The following CHRM2 variants were observed in gnomAD, a reference collection of about 807,000 sequenced individuals.
The protein encoded by CHRM2 is muscarinic acetylcholine receptor M2.
CHRM2 carries 8 observed loss-of-function variants against 25.0 expected under a neutral mutation model. That is an observed-to-expected ratio of 0.32 (90% CI 0.19 to 0.58). CHRM2 has a LOEUF of 0.58. Ranked by LOEUF, CHRM2 falls within the 20% of genes least tolerant of loss-of-function variation. CHRM2 has a pLI of 0.88. For missense variants in CHRM2, 440 were observed against 567.1 expected, an observed-to-expected ratio of 0.78 and a Z score of 2.28; for synonymous variants, 202 against 205.7, an observed-to-expected ratio of 0.98 and a Z score of 0.15.
intron 2 of CHRM2, among the ~76,000 whole-genome samples, chr7:136,872,284 G>C (rs1795871510): frequency 6.6e-6 from 1 of 152,272 alleles, no homozygotes; most frequent in Non-Finnish European, 1.5e-5. Context: ...TCCAGTAAAA[G>C]GGAACCCAAA....
At chr7:136,970,821 C>G (rs1801716415) in intron 2 of CHRM2, among the ~76,000 whole-genome samples, 1 of 152,202 alleles carries the variant, frequency 6.6e-6, no homozygotes, top group African/African-American at 2.4e-5. Flanking sequence ...CTCTGTCTCA[C>G]TCACCTGGCT....
At chr7:136,888,629 A>G (rs1796566064) in intron 2 of CHRM2, among the ~76,000 whole-genome samples, 1 of 152,202 alleles carries the variant, frequency 6.6e-6, no homozygotes, top group African/African-American at 2.4e-5. Context: ...CCTGTGCCTC[A>G]TGATTCCCCT....
At chr7:137,008,641 G>C (rs536311425) in intron 3 of CHRM2, among the ~76,000 whole-genome samples, 1 of 151,812 alleles carries the variant, frequency 6.6e-6, no homozygotes, top group African/African-American at 2.4e-5. Flanking sequence ...TCAAATAGCA[G>C]CAGAATTAAA....
intron 2 of CHRM2, among the ~76,000 whole-genome samples, chr7:136,950,248 A>G (rs965497425): frequency 3.3e-5 from 5 of 152,178 alleles, no homozygotes; most frequent in Non-Finnish European, 5.9e-5. Context: ...GTTTGCATCA[A>G]GAAGACGAAG....
intron 2 of CHRM2, among the ~76,000 whole-genome samples, chr7:136,923,700 A>C (rs1485331399): frequency 6.6e-6 from 1 of 152,064 alleles, no homozygotes; most frequent in Non-Finnish European, 1.5e-5. Flanking sequence ...TTATGTTTTT[A>C]TTTTAAAAAG....
intron 2 of CHRM2, among the ~76,000 whole-genome samples, chr7:136,895,001 T>C (rs776024668): frequency 2.6e-5 from 4 of 152,176 alleles, no homozygotes; most frequent in Non-Finnish European, 4.4e-5. Context: ...TCTACAACTC[T>C]ACAGTATTTT....
At chr7:136,890,019 T>G (rs1796630727) in intron 2 of CHRM2, among the ~76,000 whole-genome samples, 1 of 152,208 alleles carries the variant, frequency 6.6e-6, no homozygotes, top group Non-Finnish European at 1.5e-5. Flanking sequence ...GTTATTATTT[T>G]CTATCCATCT....
At chr7:136,941,657 A>C (rs1196304240) in intron 2 of CHRM2, among the ~76,000 whole-genome samples, 1 of 152,188 alleles carries the variant, frequency 6.6e-6, no homozygotes, top group African/African-American at 2.4e-5. Flanking sequence ...TCTGAAACAC[A>C]TATATGTAAC....
intron 2 of CHRM2, among the ~76,000 whole-genome samples, chr7:136,935,326 A>T (rs1008824522): frequency 6.6e-6 from 1 of 152,196 alleles, no homozygotes; most frequent in African/African-American, 2.4e-5. Flanking sequence ...TTATGAAAGA[A>T]GTCAGGTAAG....
intron 3 of CHRM2, among the ~76,000 whole-genome samples, chr7:137,003,672 A>C (rs1427587487): frequency 1.3e-5 from 2 of 152,120 alleles, no homozygotes; most frequent in African/African-American, 4.8e-5. Context: ...CCAGGTGTGT[A>C]TACTCCTAAC....
intron 2 of CHRM2, among the ~76,000 whole-genome samples, chr7:136,956,968 G>C (rs533047789): frequency 6.6e-6 from 1 of 152,224 alleles, no homozygotes; most frequent in Admixed American, 6.5e-5. Flanking sequence ...GGTTAGCCCT[G>C]GGACTCACTG....
intron 2 of CHRM2, among the ~76,000 whole-genome samples, chr7:136,898,603 C>A (rs1479066844): frequency 6.6e-6 from 1 of 151,764 alleles, no homozygotes; most frequent in Non-Finnish European, 1.5e-5. Context: ...ACTAATAGTT[C>A]TAGTGATGAA....
intron 2 of CHRM2, among the ~76,000 whole-genome samples, chr7:136,949,524 A>T (rs1171374320): frequency 6.7e-6 from 1 of 149,338 alleles, no homozygotes; most frequent in Non-Finnish European, 1.5e-5. Flanking sequence ...GCTACTTTGG[A>T]GGCTGAGGTG....
At chr7:137,006,705 C>T (rs993143159) in intron 3 of CHRM2, among the ~76,000 whole-genome samples, 1 of 151,888 alleles carries the variant, frequency 6.6e-6, no homozygotes, top group Admixed American at 6.6e-5. Flanking sequence ...TGCACACAAA[C>T]CTTAAGGGTA....
chr7:136,982,040 G>T (rs556117931), intron 2 of CHRM2, among the ~76,000 whole-genome samples: 16 of 152,210 alleles, frequency 1.1e-4, no homozygotes, highest in African/African-American at 3.9e-4. Context: ...TATTGACAGT[G>T]GGGTGTTAAA....
chr7:136,959,525 T>A (rs1426836594), intron 2 of CHRM2, among the ~76,000 whole-genome samples: 1 of 152,188 alleles, frequency 6.6e-6, no homozygotes, highest in African/African-American at 2.4e-5. Context: ...ATGTGGAGGA[T>A]GTGCTTGAAT....
At chr7:136,925,460 T>C (rs1798689705) in intron 2 of CHRM2, among the ~76,000 whole-genome samples, 1 of 152,112 alleles carries the variant, frequency 6.6e-6, no homozygotes, top group South Asian at 2.1e-4. Context: ...TAAAAGGAGA[T>C]CTAACTTTTC....
intron 2 of CHRM2, among the ~76,000 whole-genome samples, chr7:136,878,666 A>G (rs1436639017): frequency 6.6e-6 from 1 of 151,824 alleles, no homozygotes; most frequent in Non-Finnish European, 1.5e-5. Flanking sequence ...ATTTCTTTAC[A>G]TGTATTGTTT....
intron 2 of CHRM2, among the ~76,000 whole-genome samples, chr7:136,970,056 A>T (rs1271441702): frequency 6.6e-6 from 1 of 152,120 alleles, no homozygotes; most frequent in Non-Finnish European, 1.5e-5. Context: ...CACTAATCCC[A>T]TCATGAAGCT....
Sources: gnomAD v4.1 joint callset for allele counts (sites outside exome capture counted in the v4.1 genomes callset) on GRCh38, gnomAD v4.1.1 for gene constraint, MANE v1.5 for transcripts, NCBI Gene and HGNC (gene_info 2026-07-23, HGNC 2026-07-21) for gene names.